The following DAB1 variants were observed in gnomAD, a reference collection of about 807,000 sequenced individuals.
DAB1 encodes the protein DAB adaptor protein 1.
Under a neutral mutation model 64.6 loss-of-function variants are expected in DAB1, and 15 were observed. The observed-to-expected ratio is 0.23, with a 90% CI of 0.16 to 0.36. The LOEUF is 0.36. DAB1 is among the 10% of genes least tolerant of loss of function. The pLI is 1.00. For synonymous variants in DAB1, 235 were observed against 251.9 expected (o/e 0.93, Z 0.64); for missense variants, 596 against 706.7 (o/e 0.84, Z 1.78).
At chr1:57,470,236 C>G (rs903998342) in intron 7 of DAB1, among the ~76,000 whole-genome samples, 4 of 152,176 alleles carry the variant, frequency 2.6e-5, no homozygotes, top group African/African-American at 9.7e-5. Flanking sequence ...TCATGTTACT[C>G]TCATCAACAT....
chr1:57,561,982 C>G (rs1344129364), intron 7 of DAB1, among the ~76,000 whole-genome samples: 1 of 152,220 alleles, frequency 6.6e-6, no homozygotes, highest in African/African-American at 2.4e-5. Flanking sequence ...AATGCTTCTG[C>G]CAAAACTACC....
chr1:57,127,268 G>C (rs1368119100), intron 4 of DAB1, among the ~76,000 whole-genome samples: 3 of 152,132 alleles, frequency 2.0e-5, no homozygotes, highest in African/African-American at 7.2e-5. Context: ...GGACAGCTCG[G>C]ATTTATCAAG....
chr1:58,081,392 C>T (rs780933849), intron 5 of DAB1, among the ~76,000 whole-genome samples: 1 of 152,186 alleles, frequency 6.6e-6, no homozygotes, highest in Non-Finnish European at 1.5e-5. Context: ...GTTCATCTGT[C>T]ATCTGGGGCT....
chr1:57,796,303 G>A (rs188175639), intron 6 of DAB1, among the ~76,000 whole-genome samples: 2 of 151,908 alleles, frequency 1.3e-5, no homozygotes, highest in African/African-American at 4.8e-5. Flanking sequence ...CGAGGCAGGC[G>A]GATCACAAGG....
At position 57,626,520 on chromosome 1, in the gene DAB1, C is replaced by T. The variant is rs114296914; in HGVS notation, n.625+23072G>A. Among the ~76,000 whole-genome samples the T allele has an allele frequency of 2.6e-3, 393 of 152,328 alleles. 2 individuals carry two copies. The highest frequency in any genetic ancestry group is 8.7e-3 in the African/African-American group (363 of 41,580). On this transcript the variant is annotated intron_variant and non_coding_transcript_variant, in intron 7 of 20. Coordinates refer to the DAB1 transcript ENST00000485760. ...GCTGGCAGCTAGCGAAACTGGACCA[C>T]ACAGAGCCATGGAGGGGGTGAGTGG... is the stretch of plus-strand genomic sequence containing the variant.
chr1:57,450,833 T>G (rs887937231), intron 7 of DAB1, among the ~76,000 whole-genome samples: 1 of 152,222 alleles, frequency 6.6e-6, no homozygotes, highest in African/African-American at 2.4e-5. Flanking sequence ...CATTCCTGTA[T>G]GTCCATCAAA....
intron 4 of DAB1, among the ~76,000 whole-genome samples, chr1:57,096,369 A>G (rs895346018): frequency 2.0e-5 from 3 of 152,222 alleles, no homozygotes; most frequent in African/African-American, 7.2e-5. Flanking sequence ...CACGAGTCCA[A>G]TAATAGATAT....
intron 6 of DAB1, among the ~76,000 whole-genome samples, chr1:57,744,882 C>T (rs572514630): frequency 2.0e-5 from 3 of 152,252 alleles, no homozygotes; most frequent in African/African-American, 7.2e-5. Context: ...ATTAGTTCCA[C>T]CTGCAATTTT....
chr1:57,838,527 GA>G (rs905155241), intron 1 of DAB1, among the ~76,000 whole-genome samples: 1 of 152,008 alleles, frequency 6.6e-6, no homozygotes, highest in Non-Finnish European at 1.5e-5. Context: ...GTGTTGCAAA[GA>G]AAAAAATCCC....
intron 4 of DAB1, among the ~76,000 whole-genome samples, chr1:58,205,677 C>G (rs1239368870): frequency 6.6e-6 from 1 of 152,218 alleles, no homozygotes; most frequent in African/African-American, 2.4e-5. Context: ...TGGGGCCAAA[C>G]TATATGATTT....
At chr1:57,884,379 G>A (rs993089614), upstream of DAB1, among the ~76,000 whole-genome samples, 1 of 152,128 alleles carries the variant, frequency 6.6e-6, no homozygotes. Flanking sequence ...GGGTCTCTGT[G>A]CCTAGCACTG....
chr1:58,225,914 A>G (rs184937043), intron 4 of DAB1, among the ~76,000 whole-genome samples: 3 of 151,490 alleles, frequency 2.0e-5, no homozygotes, highest in African/African-American at 7.3e-5. Flanking sequence ...TACATATGTA[A>G]CTAACCTGCA....
intron 4 of DAB1, among the ~76,000 whole-genome samples, chr1:58,180,036 G>C (rs1287034668): frequency 6.6e-6 from 1 of 151,954 alleles, no homozygotes; most frequent in Non-Finnish European, 1.5e-5. Flanking sequence ...GTAATCTAGA[G>C]ATGGGTTAAA....
intron 7 of DAB1, among the ~76,000 whole-genome samples, chr1:57,436,767 G>T (rs922181678): frequency 2.0e-5 from 3 of 152,162 alleles, no homozygotes; most frequent in Non-Finnish European, 4.4e-5. Context: ...GGTGGCTCAC[G>T]CCTGTAATCC....
intron 3 of DAB1, among the ~76,000 whole-genome samples, chr1:57,144,851 G>A (rs141193013): frequency 2.0e-4 from 30 of 152,040 alleles, no homozygotes; most frequent in African/African-American, 6.7e-4. Flanking sequence ...AAAGTGCTTG[G>A]GGTACATTTG....
At chr1:58,269,439 A>G (rs1661259465) in intron 4 of DAB1, among the ~76,000 whole-genome samples, 1 of 150,080 alleles carries the variant, frequency 6.7e-6, no homozygotes, top group African/African-American at 2.5e-5. Flanking sequence ...GTTGGTTCCA[A>G]GTCTTTGCTA....
At chr1:58,340,658 T>G (rs1296132790) in intron 4 of DAB1, among the ~76,000 whole-genome samples, 2 of 152,162 alleles carry the variant, frequency 1.3e-5, no homozygotes, top group African/African-American at 4.8e-5. Context: ...GTGGCTGACG[T>G]GCTGTGGCTG....
intron 4 of DAB1, among the ~76,000 whole-genome samples, chr1:58,182,251 T>C (rs549219195): frequency 6.6e-6 from 1 of 152,124 alleles, no homozygotes; most frequent in African/African-American, 2.4e-5. Context: ...GACTATGATA[T>C]ATCTAAATGT....
chr1:57,197,091 T>C (rs1478483184), intron 2 of DAB1, among the ~76,000 whole-genome samples: 6 of 152,062 alleles, frequency 3.9e-5, no homozygotes, highest in African/African-American at 1.4e-4. Flanking sequence ...ATCCCAACAC[T>C]TTGGGAGGCT....
Sources: allele counts gnomAD v4.1 joint callset (sites outside exome capture counted in the v4.1 genomes callset), GRCh38; gene constraint gnomAD v4.1.1; transcripts MANE v1.5; gene names NCBI Gene and HGNC (gene_info 2026-07-23, HGNC 2026-07-21).